The following TTC38 variants were observed in gnomAD, a reference collection of about 807,000 sequenced individuals.
The protein encoded by TTC38 is tetratricopeptide repeat domain 38, also known as tetratricopeptide repeat protein 38.
In TTC38, 64 loss-of-function variants were observed where a neutral mutation model predicts 64.2. That is an observed-to-expected ratio of 1.00 (90% CI 0.81 to 1.23). The LOEUF is 1.23. Ranked by LOEUF, TTC38 falls within the 50% of genes most tolerant of loss-of-function variation. The pLI, the probability that TTC38 is intolerant of heterozygous loss-of-function variation, is 0.00. For missense variants in TTC38, 573 were observed against 615.5 expected (o/e 0.93, Z 0.73); for synonymous variants, 254 against 249.3 (o/e 1.02, Z -0.18).
chr22:46,268,150 G>A (rs1936803507), intron 1 of TTC38, 78 bp downstream of exon 1: 2 of 1,465,780 alleles, frequency 1.4e-6, no homozygotes, highest in Admixed American at 2.1e-5. Context: ...CGGAATAACG[G>A]GAGACATGGC....
chr22:46,289,489 C>A lies in TTC38; in HGVS notation c.1170C>A (p.Asn390Lys). 1 of 1,608,882 alleles carries A rather than the reference C, an allele frequency of 6.2e-7. No homozygotes were observed. The highest frequency in any genetic ancestry group is 8.5e-7 in the Non-Finnish European group (1 of 1,179,634). The change falls in exon 12 of 14, where the codon AAC becomes AAA. Residue 390 changes from asparagine to lysine, a missense_variant. By Grantham distance (94) the Asn-to-Lys change is moderately conservative. Coordinates refer to ENST00000381031, the MANE Select transcript of TTC38 (RefSeq NM_017931.4). ...CCCTGGTGGAGGCTGAGGACGGGAACCCTGACCGCGTCCTGGAGCTGCTCC... is the reference window on the plus strand; with the variant it reads ...CCCTGGTGGAGGCTGAGGACGGGAAACCTGACCGCGTCCTGGAGCTGCTCC... ...CQALVEAEDG[N>K]PDRVLELLLP...
rs1469434903 is a variant in TTC38, at chr22:46,292,190, T to G, written c.1317-601T>G. The G allele has an allele frequency of 1.8e-5, 8 of 440,792 alleles. No homozygotes were observed. The highest frequency in any genetic ancestry group is 1.8e-4 in the Admixed American group (7 of 39,476). The allele number at this position is 440,792 out of a possible 1,614,324, so 27.3% of individuals were successfully genotyped here. On this transcript the variant is annotated intron_variant, in intron 13 of 13. Transcript: ENST00000381031. The surrounding 1 kb of genome is among the most constrained non-coding windows in gnomAD (Gnocchi z 6.5). ...TCTTTCTTCTTTCTTTTTAAATTTT[T>G]TTATATTTTTAGAGGCAAGGTCTCA...
At position 46,285,239 on chromosome 22, in the gene TTC38, A is replaced by AT; in HGVS notation, c.796-2_796-1insT. ...TTAATAAGGAGAACTTTATTCTTCC[A>AT]GGGCGAATATGAGGCCGCGCTGACC... On this transcript the variant is annotated splice_acceptor_variant, in intron 8 of 13. Transcript: ENST00000381031. LOFTEE classifies it high-confidence loss of function. The AT allele has an allele frequency of 6.2e-7, 1 of 1,614,096 alleles. No individual in the cohort carries two copies. The highest frequency in any genetic ancestry group is 8.5e-7 in the Non-Finnish European group (1 of 1,179,936).
At position 46,292,152 on chromosome 22, in the gene TTC38, C is replaced by T. The variant is rs534815933; in HGVS notation, c.1317-639C>T. 7.1e-6 allele frequency: 3 copies of T among 423,590 alleles called. No individual in the cohort carries two copies. Among genetic ancestry groups the T allele is most frequent in the African/African-American group, 4.1e-5 (2 of 48,396 alleles). The allele number at this position is 423,590 out of a possible 1,614,324, so 26.2% of individuals were successfully genotyped here. On this transcript the variant is annotated intron_variant, in intron 13 of 13. Coordinates refer to ENST00000381031, the MANE Select transcript of TTC38 (RefSeq NM_017931.4). This position sits in a 1 kb window ranked among gnomAD's most constrained non-coding sequence, Gnocchi z 6.5. ...ATGACCTTTCCTTTGAGTGCTAATT[C>T]TTTCACGTCTCTTCTTTCTTCTTTC...
Position 46,289,806 on chromosome 22 carries a change from A to C in TTC38, c.1243-20A>C, listed in dbSNP as rs762212589. On this transcript the variant is annotated intron_variant, in intron 12 of 13. Coordinates refer to ENST00000381031, the MANE Select transcript of TTC38 (RefSeq NM_017931.4). ...CCATCCTGAGGTACAGGAGACTCAC[A>C]TGCCCGATTGACATTTCAGAGAGAC... The C allele has an allele frequency of 8.1e-6, 13 of 1,613,898 alleles. No homozygotes were observed. In the South Asian group the frequency reaches 1.4e-4, roughly 18 times the overall value.
At chr22:46,279,422 A>G (rs549671241) in intron 6 of TTC38, among the ~76,000 whole-genome samples, 1 of 152,274 alleles carries the variant, frequency 6.6e-6, no homozygotes, top group Admixed American at 6.5e-5. Flanking sequence ...TGCCCAGATG[A>G]GGGGCCCAAG....
Position 46,276,824 on chromosome 22 carries a change from A to AATATATATATATATATATATAT in TTC38, c.539+1420_539+1421insTATATATATATATATATATATA, listed in dbSNP as rs57859102. ...ATTATATATTAAAATATATATATTA[A>AATATATATATATATATATATAT]ATATATATATATATATAAACATATA... On this transcript the variant is annotated intron_variant, in intron 5 of 13. Transcript: ENST00000381031. This position sits in a 1 kb window ranked among gnomAD's most constrained non-coding sequence, Gnocchi z 4.7. 5.0e-5 allele frequency among the ~76,000 whole-genome samples: 7 copies of AATATATATATATATATATATAT among 139,544 alleles called. No individual in the cohort carries two copies. The highest frequency in any genetic ancestry group is 1.9e-4 in the African/African-American group (7 of 36,178). 91.5% of individuals were successfully genotyped at this position (139,544 alleles called of 152,430 possible). A position where few individuals can be genotyped will look rare whatever the true frequency, so the allele number is the denominator to read the frequency against.
chr22:46,287,261 G>T, intron 10 of TTC38, 107 bp downstream of exon 10: 3 of 931,664 alleles, frequency 3.2e-6, no homozygotes, highest in Non-Finnish European at 3.2e-6. Context: ...TGGGTGAGCC[G>T]CTCCAGACCC....
At chr22:46,280,334 C>CT (rs1390227678) in intron 6 of TTC38, 5 of 390,664 alleles carry the variant, frequency 1.3e-5, no homozygotes, top group African/African-American at 1.1e-4. Flanking sequence ...GGAGCCAGGG[C>CT]TGTAGAGGGG....
At chr22:46,290,534 A>G (rs1315048989) in intron 13 of TTC38, among the ~76,000 whole-genome samples, 6,245 of 126,116 alleles carry the variant, frequency 0.05, 192 homozygotes, top group Non-Finnish European at 0.072. Flanking sequence ...GTGTTAGGGC[A>G]GCGTGGCTGG....
chr22:46,288,281 C>A, intron 10 of TTC38, 142 bp from the exon 11 acceptor site: 1 of 751,578 alleles, frequency 1.3e-6, no homozygotes, highest in East Asian at 2.6e-5. Context: ...AGACGCTGCC[C>A]GTGGCCCTGC....
At chr22:46,287,497 C>T (rs536879519) in intron 10 of TTC38, among the ~76,000 whole-genome samples, 76 of 152,364 alleles carry the variant, frequency 5.0e-4, no homozygotes, top group African/African-American at 1.8e-3. Flanking sequence ...CCACCTGTCT[C>T]GATGCCACCT....
intron 2 of TTC38, 42 bp downstream of exon 2, chr22:46,268,633 C>CT: frequency 6.3e-7 from 1 of 1,580,054 alleles, no homozygotes; most frequent in South Asian, 1.1e-5. Context: ...CTGTGGAGGT[C>CT]TAGGGGAAGG....
At chr22:46,279,517 G>A (rs2077517941) in intron 6 of TTC38, among the ~76,000 whole-genome samples, 1 of 152,240 alleles carries the variant, frequency 6.6e-6, no homozygotes, top group Non-Finnish European at 1.5e-5. Flanking sequence ...ACCTGGCAAT[G>A]GCTGTCCTTT....
chr22:46,288,086 C>T (rs1601884124), intron 10 of TTC38, among the ~76,000 whole-genome samples: 1 of 151,752 alleles, frequency 6.6e-6, no homozygotes, highest in Non-Finnish European at 1.5e-5. Flanking sequence ...TTGGGGAGGT[C>T]GGGGGATCCA....
In TTC38 at chr22:46,288,413, A is replaced by C. The variant is rs776945932; in HGVS notation, c.917-10A>C. 2.9e-5 allele frequency: 46 copies of C among 1,611,656 alleles called. 1 individual carries two copies. The South Asian group carries it at 4.7e-4, about 17-fold the overall frequency. On this transcript the variant is annotated splice_polypyrimidine_tract_variant and intron_variant, in intron 10 of 13. Coordinates refer to ENST00000381031, the MANE Select transcript of TTC38 (RefSeq NM_017931.4). ...ACTCCAGGCCCTGGGTCTCCTCCCC[A>C]TGTCCTCAGGAGTGTCTGTGGGCCA...
rs1198384061 is a variant in TTC38 at position 46,273,583 on chromosome 22, G to A, written c.194-315G>A. 2.0e-5 allele frequency among the ~76,000 whole-genome samples: 3 copies of A among 152,250 alleles called. No homozygotes were observed. Among genetic ancestry groups the A allele is most frequent in the Non-Finnish European group, 4.4e-5 (3 of 68,050 alleles). ...GCCGTGTGCTGGCTGTGGCGGTAGTGTCAGCTGATGAGCCTGCAGGCAGCC... is the reference window on the plus strand; with the variant it reads ...GCCGTGTGCTGGCTGTGGCGGTAGTATCAGCTGATGAGCCTGCAGGCAGCC... On this transcript the variant is annotated intron_variant, in intron 3 of 13. Transcript: ENST00000381031. This position sits in a 1 kb window ranked among gnomAD's most constrained non-coding sequence, Gnocchi z 5.1.
rs1351341484 is a variant in TTC38, at chr22:46,273,830, G to A, written c.194-68G>A. 1 of 1,538,684 alleles carries A rather than the reference G, an allele frequency of 6.5e-7. No homozygotes were observed. The highest frequency in any genetic ancestry group is 8.9e-7 in the Non-Finnish European group (1 of 1,120,276). ...GACGTGGGGTGTCTCTGTGACATGT[G>A]GAGTCTGGGCTGGGATGGGCTGAGC... On this transcript the variant is annotated intron_variant, in intron 3 of 13. Transcript: ENST00000381031. This position sits in a 1 kb window ranked among gnomAD's most constrained non-coding sequence, Gnocchi z 5.1.
At position 46,275,211 on chromosome 22, in the gene TTC38, TGTTCAGC is replaced by T; in HGVS notation, c.366-33_366-27del. On this transcript the variant is annotated intron_variant, in intron 4 of 13. Transcript: ENST00000381031. The surrounding 1 kb of genome is among the most constrained non-coding windows in gnomAD (Gnocchi z 4.5). The stretch of plus-strand genomic sequence containing the variant: ...ACACTCCCTGTGTGGGTGGACTATG[TGTTCAGC>T]GTTGGTGAGAAATCTTTCTCGGTTT... The T allele has an allele frequency of 6.3e-7, 1 of 1,592,442 alleles. No homozygotes were observed. The highest frequency in any genetic ancestry group is 1.1e-5 in the South Asian group (1 of 88,700).
Sources: allele counts gnomAD v4.1 joint callset (sites outside exome capture counted in the v4.1 genomes callset), GRCh38; gene constraint gnomAD v4.1.1; non-coding constraint Gnocchi (gnomAD v3.1); transcripts MANE v1.5; gene names NCBI Gene and HGNC (gene_info 2026-07-23, HGNC 2026-07-21).